The following MATR3 variants were observed in gnomAD, a reference collection of about 807,000 sequenced individuals.
MATR3 encodes the protein matrin 3.
Under a neutral mutation model 85.5 loss-of-function variants are expected in MATR3, and 4 were observed. The ratio of observed to expected loss-of-function variants is 0.05; its 90% CI spans 0.02 to 0.11. The LOEUF is 0.11. Ranked by LOEUF, MATR3 falls within the 10% of genes least tolerant of loss-of-function variation. The probability of loss-of-function intolerance (pLI) is 1.00; values close to 1 mark genes in which losing one functional copy is unlikely to be tolerated. For synonymous variants in MATR3, 336 were observed against 343.1 expected (o/e 0.98, Z 0.23); for missense variants, 685 against 1,016.1 (o/e 0.67, Z 4.43).
intron 7 of MATR3, 99 bp from the exon 8 acceptor site, chr5:139,318,809 G>C (rs79247048): frequency 9.2e-7 from 1 of 1,090,190 alleles, no homozygotes; most frequent in East Asian, 2.5e-5. Flanking sequence ...TATCTGAAAA[G>C]ATTTGGGGCA....
intron 3 of MATR3, chr5:139,283,595 A>G (rs1753609241): frequency 6.6e-6 from 1 of 152,208 alleles, no homozygotes; most frequent in South Asian, 2.1e-4. Context: ...TCCAAGGCTG[A>G]GTTGCAGTGA....
upstream of MATR3, among the ~76,000 whole-genome samples, chr5:139,291,033 T>A (rs1026567739): frequency 1.3e-5 from 2 of 152,070 alleles, no homozygotes; most frequent in African/African-American, 4.8e-5. Flanking sequence ...GGCGGAAGGA[T>A]TGCTTAAACC....
At chr5:139,314,238 A>G (rs1334711454) in intron 2 of MATR3, 1 of 191,676 alleles carries the variant, frequency 5.2e-6, no homozygotes, top group African/African-American at 2.4e-5. Flanking sequence ...ATTTTAACTA[A>G]TTGTTCACAT....
In MATR3 at chr5:139,322,876, A is replaced by T; in HGVS notation, c.2057A>T (p.Asp686Val). The T allele has an allele frequency of 6.2e-7, 1 of 1,614,146 alleles. No homozygotes were observed. The change falls in exon 12 of 15, where the codon GAT becomes GTT. Residue 686 changes from aspartate to valine, a missense_variant. Asp to Val is a radical substitution (Grantham distance 152). Coordinates refer to ENST00000394805, the MANE Select transcript of MATR3 (RefSeq NM_018834.6). ...GDETDLANLG[D>V]VASDGKKEPS... ...GAGACCGATCTTGCTAATTTAGGTG[A>T]TGTGGCTTCTGATGGGAAAAAGGAA...
chr5:139,310,108 T>G (rs1021519482), intron 2 of MATR3: 1 of 152,190 alleles, frequency 6.6e-6, no homozygotes, highest in Non-Finnish European at 1.5e-5. Context: ...GCTTTTTTCC[T>G]TCAAATTTTG....
chr5:139,330,854 G>A lies in MATR3; in HGVS notation c.*1459G>A, dbSNP rs772913069. 2.2e-6 allele frequency: 1 copy of A among 454,064 alleles called. No individual in the cohort carries two copies. Among genetic ancestry groups the A allele is most frequent in the South Asian group, 1.6e-5 (1 of 64,470 alleles). The allele number at this position is 454,064 out of a possible 1,614,324, so 28.1% of individuals were successfully genotyped here. ...ACTCTGTCACCCAGACTGGAGTGCA[G>A]TGGCACAGTTCTCTGCAACCTCAGC... On this transcript the variant is annotated 3_prime_UTR_variant, in exon 15 of 15. Coordinates refer to ENST00000394805, the MANE Select transcript of MATR3 (RefSeq NM_018834.6).
intron 2 of MATR3, chr5:139,311,162 A>C (rs1043378551): frequency 2.0e-5 from 3 of 152,000 alleles, no homozygotes; most frequent in Admixed American, 6.6e-5. Flanking sequence ...AAAATTACCC[A>C]CTACAGCACT....
intron 10 of MATR3, 128 bp from the exon 11 acceptor site, chr5:139,322,335 G>A (rs1052261914): frequency 2.2e-6 from 2 of 900,214 alleles, no homozygotes; most frequent in Non-Finnish European, 3.6e-6. Flanking sequence ...GGCAGCTTAG[G>A]TTCTCAAATA....
At position 139,331,444 on chromosome 5, in the gene MATR3, T is replaced by A. The variant is rs900874335; in HGVS notation, c.*2049T>A. 1 of 454,028 alleles carries A rather than the reference T, an allele frequency of 2.2e-6. No individual in the cohort carries two copies. Among genetic ancestry groups the A allele is most frequent in the African/African-American group, 2.0e-5 (1 of 50,016 alleles). The allele number at this position is 454,028 out of a possible 1,614,324, so 28.1% of individuals were successfully genotyped here. A position where few individuals can be genotyped will look rare whatever the true frequency, so the allele number is the denominator to read the frequency against. Reference sequence around the variant, plus strand: ...GGATTTAGCAAGTTGAAGGAAAGAATGCTATGTTTTTAATACCTACATTTG... The same window carrying A: ...GGATTTAGCAAGTTGAAGGAAAGAAAGCTATGTTTTTAATACCTACATTTG... On this transcript the variant is annotated 3_prime_UTR_variant, in exon 15 of 15. Coordinates refer to ENST00000394805, the MANE Select transcript of MATR3 (RefSeq NM_018834.6).
chr5:139,309,113 T>G (rs533050827), intron 2 of MATR3, among the ~76,000 whole-genome samples: 1 of 152,338 alleles, frequency 6.6e-6, no homozygotes, highest in East Asian at 1.9e-4. Context: ...CTAATTCTCC[T>G]TTGCTTTAAT....
chr5:139,313,091 G>A (rs976979671), intron 2 of MATR3: 1 of 147,088 alleles, frequency 6.8e-6, no homozygotes, highest in Non-Finnish European at 1.5e-5. Context: ...TTGAAAGCAC[G>A]TATCTTGTAA....
At position 139,331,639 on chromosome 5, in the gene MATR3, A is replaced by T. The variant is rs1319327309; in HGVS notation, c.*2244A>T. On this transcript the variant is annotated 3_prime_UTR_variant, in exon 15 of 15. Coordinates refer to ENST00000394805, the MANE Select transcript of MATR3 (RefSeq NM_018834.6). The stretch of plus-strand genomic sequence containing the variant: ...TCAGCCCTTAGTTTAATCTTACATT[A>T]TCCTACAAAAGTGAATGAAACTTCT... 1 of 452,128 alleles carries T rather than the reference A, an allele frequency of 2.2e-6. No individual in the cohort carries two copies. The allele number at this position is 452,128 out of a possible 1,614,324, so 28.0% of individuals were successfully genotyped here.
At chr5:139,282,074 G>C (rs181574622) in intron 3 of MATR3, among the ~76,000 whole-genome samples, 90 of 152,318 alleles carry the variant, frequency 5.9e-4, no homozygotes, top group Non-Finnish European at 4.3e-4. Flanking sequence ...GGGACACAAA[G>C]AGGTGGCTAA....
chr5:139,320,219 G>A (rs6864229), intron 9 of MATR3, among the ~76,000 whole-genome samples: 2 of 151,806 alleles, frequency 1.3e-5, no homozygotes, highest in Non-Finnish European at 2.9e-5. Flanking sequence ...TGAGGCAGGA[G>A]AATGGCATGA....
intron 1 of MATR3, among the ~76,000 whole-genome samples, chr5:139,303,547 A>T (rs1428777280): frequency 1.3e-5 from 2 of 152,120 alleles, no homozygotes; most frequent in African/African-American, 4.8e-5. Flanking sequence ...AGCCTGGCCA[A>T]CATGGTGAAA....
At chr5:139,279,182 G>A in intron 3 of MATR3, 2 of 453,132 alleles carry the variant, frequency 4.4e-6, no homozygotes, top group Non-Finnish European at 4.4e-6. Context: ...TAGCTCAGAT[G>A]GGGGTAGGGG....
intron 1 of MATR3, among the ~76,000 whole-genome samples, chr5:139,275,139 C>CCTAACATTTTCGT (rs1753221467): frequency 1.0e-5 from 1 of 96,012 alleles, no homozygotes. Flanking sequence ...CCACGCCCGG[C>CCTAACATTTTCGT]TAATTTTTTT....
At position 139,322,978 on chromosome 5, in the gene MATR3, A is replaced by G; in HGVS notation, c.2148+11A>G. ...AAAAAGCTTAAAAAGGTAAAGAAAG[A>G]TACATTGATTTGTTTTAATAGAACA... is the stretch of plus-strand genomic sequence containing the variant. On this transcript the variant is annotated intron_variant, in intron 12 of 14. Coordinates refer to ENST00000394805, the MANE Select transcript of MATR3 (RefSeq NM_018834.6). 3.2e-6 allele frequency: 5 copies of G among 1,542,624 alleles called. No homozygotes were observed. The highest frequency in any genetic ancestry group is 3.6e-6 in the Non-Finnish European group (4 of 1,124,894).
intron 2 of MATR3, 129 bp downstream of exon 2, chr5:139,308,456 T>A: frequency 9.2e-7 from 1 of 1,085,360 alleles, no homozygotes; most frequent in East Asian, 2.4e-5. Context: ...TTGAGAACAC[T>A]TACTTTATTT....
Sources: gnomAD v4.1 joint callset for allele counts (sites outside exome capture counted in the v4.1 genomes callset) on GRCh38, gnomAD v4.1.1 for gene constraint, MANE v1.5 for transcripts, NCBI Gene and HGNC (gene_info 2026-07-23, HGNC 2026-07-21) for gene names.